Variants in MON2 observed in about 807,000 individuals in gnomAD.
MON2 encodes the protein protein MON2 homolog.
Under a neutral mutation model 208.6 loss-of-function variants are expected in MON2, and 84 were observed. The observed-to-expected ratio is 0.40, with a 90% CI of 0.34 to 0.48. MON2 has a LOEUF of 0.48. Ranked by LOEUF, MON2 falls within the 20% of genes least tolerant of loss-of-function variation. The pLI is 0.59. For synonymous variants in MON2, 660 were observed against 694.0 expected (o/e 0.95, Z 0.77); for missense variants, 1,611 against 2,015.4 (o/e 0.80, Z 3.84).
chr12:62,493,440 G>C lies in MON2; in HGVS notation c.176-475G>C, dbSNP rs1369830208. ...TTTATTTCTTGAAGAAATTAGGGCT[G>C]TTTAAATTCAAGGCATATAATAAAA... On this transcript the variant is annotated intron_variant, in intron 2 of 34. Transcript: ENST00000393630. Among the ~76,000 whole-genome samples, 6 of 152,256 alleles carry C rather than the reference G, an allele frequency of 3.9e-5. No individual in the cohort carries two copies. In the East Asian group the frequency reaches 9.6e-4, roughly 24 times the overall value.
chr12:62,481,421 G>C (rs1300706452), intron 1 of MON2, among the ~76,000 whole-genome samples: 3 of 151,552 alleles, frequency 2.0e-5, no homozygotes, highest in Non-Finnish European at 4.4e-5. Context: ...AGCTGCTCAG[G>C]AGGCTGAGGC....
Position 62,535,684 on chromosome 12 carries a change from C to A in MON2, c.1875C>A (p.Thr625=). The change falls in exon 14 of 35, where the codon ACC becomes ACA. Residue 625 remains threonine (T), a synonymous_variant. Transcript: ENST00000393630. ...PHYALTVLNT[T]TAATLSNKSY... ...ATGCTCTTACTGTATTGAATACCACCACTGCAGCTACACTTTCCAACAAAT... is the reference window on the plus strand; with the variant it reads ...ATGCTCTTACTGTATTGAATACCACAACTGCAGCTACACTTTCCAACAAAT... 1 of 1,610,872 alleles carries A rather than the reference C, an allele frequency of 6.2e-7. No homozygotes were observed. Among genetic ancestry groups the A allele is most frequent in the African/African-American group, 1.3e-5 (1 of 74,796 alleles).
chr12:62,568,405 T>C (rs570783870), intron 29 of MON2, among the ~76,000 whole-genome samples: 14 of 152,242 alleles, frequency 9.2e-5, no homozygotes, highest in Admixed American at 9.2e-4. Context: ...GTGGCATAAT[T>C]ATAGCTTATT....
At chr12:62,585,679 A>C in intron 33 of MON2, 178 bp downstream of exon 33, 1 of 495,666 alleles carries the variant, frequency 2.0e-6, no homozygotes. Context: ...ATATATTAAC[A>C]TGTTTTGTTA....
chr12:62,529,258 A>T lies in MON2; in HGVS notation c.1400+3156A>T, dbSNP rs564448601. 2.0e-3 allele frequency among the ~76,000 whole-genome samples: 308 copies of T among 152,362 alleles called. 6 individuals carry two copies. The highest frequency in any genetic ancestry group is 7.2e-3 in the African/African-American group (298 of 41,582). On this transcript the variant is annotated intron_variant, in intron 11 of 34. Coordinates refer to ENST00000393630, the MANE Select transcript of MON2 (RefSeq NM_015026.3). Reference sequence around the variant, plus strand: ...TTAGTGGTAGGCTTTAGTGTCAGTCAGACTTGATTTTAAAAACTTCTCATT... The same window carrying T: ...TTAGTGGTAGGCTTTAGTGTCAGTCTGACTTGATTTTAAAAACTTCTCATT...
At chr12:62,498,816 T>A in intron 4 of MON2, 103 bp from the exon 5 acceptor site, 1 of 1,237,724 alleles carries the variant, frequency 8.1e-7, no homozygotes, top group Non-Finnish European at 1.1e-6. Context: ...ATGGTGGGAC[T>A]TTCCATAATG....
At chr12:62,532,809 A>G in intron 12 of MON2, 139 bp downstream of exon 12, 1 of 661,950 alleles carries the variant, frequency 1.5e-6, no homozygotes. Flanking sequence ...ATTTTCTTGA[A>G]TTATATACAT....
At position 62,501,640 on chromosome 12, in the gene MON2, C is replaced by T. The variant is rs1284884639; in HGVS notation, c.731C>T (p.Thr244Met). Reference sequence around the variant, plus strand: ...GTGGGCATGACAGAAATGACTCGGACGTTTGGCCTCGAATTACTTGAGTCA... The same window carrying T: ...GTGGGCATGACAGAAATGACTCGGATGTTTGGCCTCGAATTACTTGAGTCA... ...WLVGMTEMTR[T>M]FGLELLESVL... Residue 244 changes from threonine (T) to methionine (M), a missense_variant, in exon 7 of 35, where the codon ACG (threonine) becomes ATG (methionine). Thr to Met is a moderately conservative substitution (Grantham distance 81). Coordinates refer to ENST00000393630, the MANE Select transcript of MON2 (RefSeq NM_015026.3). 6.2e-7 allele frequency: 1 copy of T among 1,614,036 alleles called. No homozygotes were observed. Among genetic ancestry groups the T allele is most frequent in the Admixed American group, 1.7e-5 (1 of 60,008 alleles).
At chr12:62,471,663 A>G (rs1215251132) in intron 1 of MON2, among the ~76,000 whole-genome samples, 2 of 152,158 alleles carry the variant, frequency 1.3e-5, no homozygotes, top group Admixed American at 6.5e-5. Flanking sequence ...GAGTGTGTGT[A>G]TAGAGTGAGA....
intron 14 of MON2, among the ~76,000 whole-genome samples, chr12:62,536,323 C>A (rs1421407689): frequency 6.6e-6 from 1 of 151,786 alleles, no homozygotes; most frequent in Non-Finnish European, 1.5e-5. Flanking sequence ...TTTAAGAATA[C>A]TTGTTTGTTA....
Position 62,553,107 on chromosome 12 carries a change from T to A in MON2, c.3143T>A (p.Leu1048Gln). 6.2e-7 allele frequency: 1 copy of A among 1,614,206 alleles called. No homozygotes were observed. Among genetic ancestry groups the A allele is most frequent in the Non-Finnish European group, 8.5e-7 (1 of 1,180,012 alleles). The change falls in exon 24 of 35, where the codon CTG becomes CAG. Residue 1048 changes from leucine (L) to glutamine (Q), a missense_variant. Transcript: ENST00000393630. ...PAVRKSAGQT[L>Q]FSTIGAHGTL... ...GTCAGGAAGAGTGCAGGGCAAACTC[T>A]GTTTTCTACAATTGGTGCGCATGGA...
chr12:62,517,932 G>A (rs913208560), intron 8 of MON2, among the ~76,000 whole-genome samples: 71 of 152,168 alleles, frequency 4.7e-4, no homozygotes, highest in African/African-American at 1.6e-3. Context: ...CATCTGTTCT[G>A]GACACTGTAC....
At chr12:62,568,650 A>G (rs1387930216) in intron 29 of MON2, among the ~76,000 whole-genome samples, 1 of 151,986 alleles carries the variant, frequency 6.6e-6, no homozygotes, top group African/African-American at 2.4e-5. Flanking sequence ...CAGTTTATAT[A>G]TATGTATACA....
Position 62,532,679 on chromosome 12 carries a change from C to A in MON2, c.1633+9C>A. 1 of 1,571,188 alleles carries A rather than the reference C, an allele frequency of 6.4e-7. No individual in the cohort carries two copies. Among genetic ancestry groups the A allele is most frequent in the Non-Finnish European group, 8.7e-7 (1 of 1,147,082 alleles). ...AATGGATAAGGAAATTGGTATGAGT[C>A]TGTATTTTTAATTTTTATTGGAAAT... On this transcript the variant is annotated intron_variant, in intron 12 of 34. Coordinates refer to ENST00000393630, the MANE Select transcript of MON2 (RefSeq NM_015026.3).
rs180698128 is a variant in MON2 at position 62,476,654 on chromosome 12, C to G, written c.112-7516C>G. Among the ~76,000 whole-genome samples, 135 of 152,180 alleles carry G rather than the reference C, an allele frequency of 8.9e-4. 1 individual carries two copies. The highest frequency in any genetic ancestry group is 1.7e-3 in the Non-Finnish European group (113 of 68,006). ...GTTTCACTATGTTGGCCAGGCTAGT[C>G]TTGAATGCCTGACTTCAAATTATCC... On this transcript the variant is annotated intron_variant, in intron 1 of 34. Coordinates refer to ENST00000393630, the MANE Select transcript of MON2 (RefSeq NM_015026.3).
At position 62,597,949 on chromosome 12, in the gene MON2, A is replaced by T. The variant is rs1161963335; in HGVS notation, c.*5200A>T. On this transcript the variant is annotated 3_prime_UTR_variant, in exon 35 of 35. Transcript: ENST00000393630. ...TTTATGATTTTGGGGGGTGGGGGAG[A>T]TATTTGTTTTTTTGAGGCAGACGTT... The T allele has an allele frequency of 2.6e-5, 4 of 151,864 alleles. No homozygotes were observed. Among genetic ancestry groups the T allele is most frequent in the Non-Finnish European group, 5.9e-5 (4 of 68,008 alleles). 9.4% of individuals were successfully genotyped at this position (151,864 alleles called of 1,614,324 possible). A position where few individuals can be genotyped will look rare whatever the true frequency, so the allele number is the denominator to read the frequency against.
At chr12:62,523,855 C>G (rs991292479) in intron 8 of MON2, among the ~76,000 whole-genome samples, 1 of 152,062 alleles carries the variant, frequency 6.6e-6, no homozygotes, top group Non-Finnish European at 1.5e-5. Flanking sequence ...AACGGGTTAG[C>G]TTTTGTTTGT....
chr12:62,546,109 A>G (rs1296690724), intron 21 of MON2, among the ~76,000 whole-genome samples: 2 of 152,122 alleles, frequency 1.3e-5, no homozygotes, highest in Non-Finnish European at 2.9e-5. Flanking sequence ...CATCTTTGTT[A>G]ATATCTGCTA....
At chr12:62,574,858 C>T (rs1185724360) in intron 30 of MON2, among the ~76,000 whole-genome samples, 3 of 152,054 alleles carry the variant, frequency 2.0e-5, no homozygotes, top group African/African-American at 7.2e-5. Flanking sequence ...GAAGGCCAAC[C>T]GGAGTACGTA....
Sources: gnomAD v4.1 joint callset for allele counts (sites outside exome capture counted in the v4.1 genomes callset) on GRCh38, gnomAD v4.1.1 for gene constraint, MANE v1.5 for transcripts, NCBI Gene and HGNC (gene_info 2026-07-23, HGNC 2026-07-21) for gene names.